DEPTOR: variants seen among roughly 807,000 people sequenced by gnomAD.
DEPTOR encodes DEP domain containing MTOR interacting protein, also known as DEP domain-containing mTOR-interacting protein.
Under a neutral mutation model 41.6 loss-of-function variants are expected in DEPTOR, and 41 were observed. The observed-to-expected ratio is 0.98, with a 90% confidence interval of 0.77 to 1.28. DEPTOR has a LOEUF of 1.28. Ranked by LOEUF, DEPTOR falls within the 50% of genes most tolerant of loss-of-function variation. The probability of loss-of-function intolerance (pLI) is 0.00; values close to 1 mark genes in which losing one functional copy is unlikely to be tolerated. For missense variants in DEPTOR, 514 were observed against 527.9 expected (o/e 0.97, Z 0.26); for synonymous variants, 195 against 192.3 (o/e 1.01, Z -0.12).
intron 8 of DEPTOR, among the ~76,000 whole-genome samples, chr8:120,026,113 T>C (rs1386028107): frequency 6.8e-6 from 1 of 147,734 alleles, no homozygotes. Context: ...CAGCCTCCCA[T>C]GTAGCTGGGA....
chr8:120,010,386 G>A (rs1432432103), intron 8 of DEPTOR, among the ~76,000 whole-genome samples: 5 of 151,916 alleles, frequency 3.3e-5, no homozygotes, highest in African/African-American at 4.8e-5. Context: ...AGGCTGAGGC[G>A]GGTGGATCAC....
chr8:120,017,996 A>G (rs1201492676), intron 8 of DEPTOR, among the ~76,000 whole-genome samples: 1 of 152,206 alleles, frequency 6.6e-6, no homozygotes, highest in Non-Finnish European at 1.5e-5. Flanking sequence ...ATAAAGAACT[A>G]GTGGCCATGA....
At chr8:120,032,520 C>T (rs1466819595) in intron 8 of DEPTOR, among the ~76,000 whole-genome samples, 1 of 152,022 alleles carries the variant, frequency 6.6e-6, no homozygotes, top group Non-Finnish European at 1.5e-5. Flanking sequence ...CACACCCAGC[C>T]AACACTAACT....
intron 8 of DEPTOR, among the ~76,000 whole-genome samples, chr8:120,019,371 G>A (rs1812661387): frequency 6.6e-6 from 1 of 152,138 alleles, no homozygotes. Flanking sequence ...TTTATCAGAT[G>A]TGCACACTGG....
At chr8:119,991,126 T>TA (rs1563584775) in intron 4 of DEPTOR, among the ~76,000 whole-genome samples, 10 of 135,012 alleles carry the variant, frequency 7.4e-5, no homozygotes, top group South Asian at 2.4e-4. Flanking sequence ...CTTTTTTTTT[T>TA]AAATCTTTTA....
intron 8 of DEPTOR, among the ~76,000 whole-genome samples, chr8:120,045,127 T>C (rs1230641311): frequency 1.3e-5 from 2 of 152,160 alleles, no homozygotes; most frequent in African/African-American, 4.8e-5. Context: ...TAAGAAGGTT[T>C]GTGTGAAATG....
intron 4 of DEPTOR, among the ~76,000 whole-genome samples, chr8:119,970,904 A>G (rs1828623107): frequency 6.6e-6 from 1 of 152,140 alleles, no homozygotes; most frequent in African/African-American, 2.4e-5. Context: ...CGGAGGGGCC[A>G]AGGGAAAACA....
At chr8:120,025,358 A>G (rs1422498314) in intron 8 of DEPTOR, among the ~76,000 whole-genome samples, 5 of 147,234 alleles carry the variant, frequency 3.4e-5, no homozygotes, top group African/African-American at 1.2e-4. Context: ...TCCACCCACC[A>G]TTTTTTTTTT....
intron 3 of DEPTOR, among the ~76,000 whole-genome samples, chr8:119,942,779 T>C (rs1828220122): frequency 6.6e-6 from 1 of 152,202 alleles, no homozygotes; most frequent in Non-Finnish European, 1.5e-5. Context: ...GACATTCAGC[T>C]TTTCTGAGTC....
chr8:120,031,030 G>A (rs1046220307), intron 8 of DEPTOR, among the ~76,000 whole-genome samples: 2 of 152,098 alleles, frequency 1.3e-5, no homozygotes, highest in Non-Finnish European at 2.9e-5. Context: ...AAAAAATAAA[G>A]TTTACTTTAA....
At chr8:119,957,453 A>G (rs546391191) in intron 3 of DEPTOR, among the ~76,000 whole-genome samples, 76 of 152,322 alleles carry the variant, frequency 5.0e-4, no homozygotes, top group Middle Eastern at 3.4e-3. Context: ...ATCTAAAACC[A>G]GAAAACTGAG....
chr8:120,012,576 GC>G, intron 8 of DEPTOR, among the ~76,000 whole-genome samples: 1 of 151,876 alleles, frequency 6.6e-6, no homozygotes, highest in South Asian at 2.1e-4. Context: ...TGGCTTTGTT[GC>G]CCAGGCTGGA....
At chr8:119,925,189 A>G (rs1208323659) in intron 1 of DEPTOR, among the ~76,000 whole-genome samples, 1 of 152,184 alleles carries the variant, frequency 6.6e-6, no homozygotes, top group Non-Finnish European at 1.5e-5. Flanking sequence ...CAAGAGTTTC[A>G]GACCAGCCTG....
intron 4 of DEPTOR, among the ~76,000 whole-genome samples, chr8:119,965,875 C>G (rs111242251): frequency 1.3e-5 from 2 of 152,088 alleles, no homozygotes; most frequent in Non-Finnish European, 2.9e-5. Flanking sequence ...AGCCAAAGAG[C>G]CTTCATAAAA....
intron 8 of DEPTOR, among the ~76,000 whole-genome samples, chr8:120,032,622 T>C (rs769326744): frequency 3.3e-5 from 5 of 152,156 alleles, no homozygotes; most frequent in Non-Finnish European, 7.4e-5. Flanking sequence ...GAGTCCACTG[T>C]TGGTCAGTAG....
At chr8:120,027,820 C>A (rs1206261157) in intron 8 of DEPTOR, among the ~76,000 whole-genome samples, 1 of 152,068 alleles carries the variant, frequency 6.6e-6, no homozygotes, top group African/African-American at 2.4e-5. Context: ...CACAGAGATC[C>A]TTGAGTGAAT....
chr8:120,024,049 A>G (rs565544380), intron 8 of DEPTOR, among the ~76,000 whole-genome samples: 30 of 152,280 alleles, frequency 2.0e-4, no homozygotes, highest in African/African-American at 7.2e-4. Flanking sequence ...TAGCCTGGCC[A>G]ACATGGCAAA....
intron 7 of DEPTOR, among the ~76,000 whole-genome samples, chr8:120,008,741 A>G (rs11986968): frequency 6.6e-6 from 1 of 152,188 alleles, no homozygotes; most frequent in Admixed American, 6.5e-5. Context: ...ATTAAATTGT[A>G]TAACAGCCTA....
chr8:119,936,306 C>T (rs374810850), intron 3 of DEPTOR, among the ~76,000 whole-genome samples: 3 of 152,154 alleles, frequency 2.0e-5, no homozygotes, highest in East Asian at 1.9e-4. Flanking sequence ...TGTTCTCTCC[C>T]AGTGCCTGGG....
Sources: gnomAD v4.1 joint callset for allele counts (sites outside exome capture counted in the v4.1 genomes callset) on GRCh38, gnomAD v4.1.1 for gene constraint, MANE v1.5 for transcripts, NCBI Gene and HGNC (gene_info 2026-07-23, HGNC 2026-07-21) for gene names.